ARPP21: variants seen among roughly 807,000 people sequenced by gnomAD.
The protein encoded by ARPP21 is cAMP regulated phosphoprotein 21.
In ARPP21, 69 loss-of-function variants were observed where a neutral mutation model predicts 113.2. The ratio of observed to expected loss-of-function variants is 0.61; its 90% CI spans 0.50 to 0.74. The LOEUF is 0.74. ARPP21 is among the 30% of genes least tolerant of loss of function. The pLI is 0.00. For synonymous variants in ARPP21, 368 were observed against 375.5 expected, an observed-to-expected ratio of 0.98 and a Z score of 0.23; for missense variants, 1,070 against 1,037.4, an observed-to-expected ratio of 1.03 and a Z score of -0.43.
At chr3:35,777,841 A>G (rs914771561) in intron 19 of ARPP21, among the ~76,000 whole-genome samples, 2 of 152,156 alleles carry the variant, frequency 1.3e-5, no homozygotes, top group African/African-American at 4.8e-5. Context: ...TTTGCTCTAC[A>G]AGATATTTAA....
chr3:35,760,042 G>A (rs2095710861), intron 19 of ARPP21, among the ~76,000 whole-genome samples: 1 of 152,052 alleles, frequency 6.6e-6, no homozygotes, highest in Non-Finnish European at 1.5e-5. Context: ...TCAGGAACTA[G>A]AAGGCATATA....
At chr3:35,657,404 G>A (rs1296528458) in intron 1 of ARPP21, among the ~76,000 whole-genome samples, 1 of 152,072 alleles carries the variant, frequency 6.6e-6, no homozygotes, top group African/African-American at 2.4e-5. Flanking sequence ...TTTAATTCTA[G>A]CCAGGGATCT....
rs372938396 is a variant in ARPP21 at position 35,644,413 on chromosome 3, A to G, written c.-213+4015A>G. The stretch of plus-strand genomic sequence containing the variant: ...GATATGAAGTATTTAAATTATATAC[A>G]TAATATGTTTCATTAAGAATAAAGT... On this transcript the variant is annotated intron_variant, in intron 1 of 20. Transcript: ENST00000684406. Among the ~76,000 whole-genome samples the G allele has an allele frequency of 5.3e-5, 8 of 152,130 alleles. No homozygotes were observed. In the East Asian group the frequency reaches 1.2e-3, roughly 22 times the overall value.
At chr3:35,712,007 T>C (rs1177282519) in intron 11 of ARPP21, among the ~76,000 whole-genome samples, 2 of 152,178 alleles carry the variant, frequency 1.3e-5, no homozygotes, top group African/African-American at 4.8e-5. Flanking sequence ...GCAGGGATCA[T>C]TGGGGGTGAC....
intron 1 of ARPP21, among the ~76,000 whole-genome samples, chr3:35,673,160 C>T (rs1162555463): frequency 1.3e-5 from 2 of 152,096 alleles, no homozygotes; most frequent in East Asian, 3.9e-4. Flanking sequence ...ACTGGAAACT[C>T]CCTTTGTTCC....
At chr3:35,669,162 C>T (rs2149294348) in intron 1 of ARPP21, among the ~76,000 whole-genome samples, 1 of 151,954 alleles carries the variant, frequency 6.6e-6, no homozygotes, top group East Asian at 1.9e-4. Flanking sequence ...TCCTTCTTTC[C>T]TTCCTAATTA....
At chr3:35,676,713 C>G (rs1018402470) in intron 1 of ARPP21, among the ~76,000 whole-genome samples, 1 of 151,882 alleles carries the variant, frequency 6.6e-6, no homozygotes, top group African/African-American at 2.4e-5. Context: ...TTCAGACTTG[C>G]TAAAGATATT....
At chr3:35,716,206 T>G (rs2092371164) in intron 12 of ARPP21, among the ~76,000 whole-genome samples, 1 of 152,088 alleles carries the variant, frequency 6.6e-6, no homozygotes, top group Admixed American at 6.5e-5. Context: ...AATTAAGGAA[T>G]CCAAATTAAC....
At chr3:35,755,758 T>C (rs778494317) in intron 19 of ARPP21, among the ~76,000 whole-genome samples, 5 of 152,042 alleles carry the variant, frequency 3.3e-5, no homozygotes, top group Non-Finnish European at 7.4e-5. Context: ...GCATCTTAAG[T>C]AGTGTTATTT....
At chr3:35,670,051 G>C (rs2075937879) in intron 1 of ARPP21, among the ~76,000 whole-genome samples, 1 of 152,142 alleles carries the variant, frequency 6.6e-6, no homozygotes, top group African/African-American at 2.4e-5. Context: ...ATTTAGTATA[G>C]TTTGAGAATC....
intron 9 of ARPP21, among the ~76,000 whole-genome samples, chr3:35,697,490 C>A (rs900063756): frequency 8.6e-5 from 13 of 151,512 alleles, no homozygotes; most frequent in African/African-American, 2.9e-4. Context: ...TTTGGTAAAT[C>A]ATAAAAGCCA....
Position 35,690,108 on chromosome 3 carries a change from G to T in ARPP21, c.513G>T (p.Glu171Asp). 8 of 1,498,370 alleles carry T rather than the reference G, an allele frequency of 5.3e-6. No homozygotes were observed. Among genetic ancestry groups the T allele is most frequent in the Non-Finnish European group, 7.4e-6 (8 of 1,076,156 alleles). The allele number at this position is 1,498,370 out of a possible 1,614,324, so 92.8% of individuals were successfully genotyped here. ...SRDRMILLKM[E>D]QEIIDFIADN... is the part of the protein sequence containing the mutation. The stretch of plus-strand genomic sequence containing the variant: ...ACAGGATGATACTTTTGAAAATGGA[G>T]CAGGAAATTATTGATTTCATTGCTG... Residue 171 changes from glutamate to aspartate, a missense_variant, in exon 8 of 21, where the codon GAG (glutamate) becomes GAT (aspartate). Coordinates refer to ENST00000684406, the MANE Select transcript of ARPP21 (RefSeq NM_001385562.1).
intron 1 of ARPP21, among the ~76,000 whole-genome samples, chr3:35,676,901 T>TTA: frequency 6.6e-6 from 1 of 152,024 alleles, no homozygotes. Flanking sequence ...ATTGCAATAT[T>TTA]TATATATCTA....
intron 11 of ARPP21, among the ~76,000 whole-genome samples, chr3:35,713,605 G>A (rs191099453): frequency 6.3e-4 from 96 of 152,190 alleles, no homozygotes; most frequent in African/African-American, 2.2e-3. Context: ...TGTTGCCCAC[G>A]CTGGTCTTGA....
chr3:35,686,872 G>T (rs2080769806), intron 5 of ARPP21, among the ~76,000 whole-genome samples: 1 of 151,406 alleles, frequency 6.6e-6, no homozygotes, highest in African/African-American at 2.4e-5. Flanking sequence ...TCAAATTGCT[G>T]ATATATGTGA....
chr3:35,737,948 G>T (rs1024417495), intron 16 of ARPP21, among the ~76,000 whole-genome samples: 2 of 152,156 alleles, frequency 1.3e-5, no homozygotes, highest in African/African-American at 4.8e-5. Flanking sequence ...TTGTTTTGGG[G>T]CAGTATTTTC....
chr3:35,737,591 T>C (rs952050538), intron 16 of ARPP21, among the ~76,000 whole-genome samples: 3 of 152,170 alleles, frequency 2.0e-5, no homozygotes, highest in Non-Finnish European at 2.9e-5. Context: ...GGCATGAAAG[T>C]AGGGAGAATA....
At chr3:35,714,565 G>A (rs973377251) in intron 11 of ARPP21, among the ~76,000 whole-genome samples, 3 of 152,108 alleles carry the variant, frequency 2.0e-5, no homozygotes, top group Admixed American at 2.0e-4. Flanking sequence ...AGAAACTTAA[G>A]TACTTTGGAA....
intron 19 of ARPP21, among the ~76,000 whole-genome samples, chr3:35,773,844 A>T (rs1452558263): frequency 6.6e-6 from 1 of 152,110 alleles, no homozygotes; most frequent in East Asian, 1.9e-4. Context: ...TACATCTTAG[A>T]CTACATCTGT....
Sources: gnomAD v4.1 joint callset for allele counts (sites outside exome capture counted in the v4.1 genomes callset) on GRCh38, gnomAD v4.1.1 for gene constraint, MANE v1.5 for transcripts, NCBI Gene and HGNC (gene_info 2026-07-23, HGNC 2026-07-21) for gene names.